The following ANXA2R variants were observed in gnomAD, a reference collection of about 807,000 sequenced individuals.
ANXA2R encodes the protein annexin-2 receptor.
For missense variants in ANXA2R, 244 were observed against 241.5 expected (o/e 1.01, Z -0.07); for synonymous variants, 93 against 93.6 (o/e 0.99, Z 0.04).
chr5:43,039,662 G>A lies in ANXA2R; in HGVS notation c.385C>T (p.Pro129Ser), dbSNP rs1742151851. Residue 129 changes from proline (P) to serine (S), a missense_variant, in exon 1 of 1, where the codon CCC (proline) becomes TCC (serine). Pro to Ser is a moderately conservative substitution (Grantham distance 74). Coordinates refer to ENST00000616064, the MANE Select transcript of ANXA2R (RefSeq NM_001014279.3). ...QQLPWSSPLHPWDRQQDTEVC... is the reference protein window; with the variant it reads ...QQLPWSSPLHSWDRQQDTEVC... ...TCGGTGTCCTGCTGTCTGTCCCAGG[G>A]ATGGAGAGGACTGCTCCAGGGAAGC... 4 of 1,613,486 alleles carry A rather than the reference G, an allele frequency of 2.5e-6. No homozygotes were observed. Among genetic ancestry groups the A allele is most frequent in the Admixed American group, 1.7e-5 (1 of 59,960 alleles).
chr5:43,039,937 G>A lies in ANXA2R; in HGVS notation c.110C>T (p.Pro37Leu), dbSNP rs2111970626. Reference sequence around the variant, plus strand: ...TCCTAGTACTGGATACAAAGGAAGAGGCCACGGCCCACGATCTTCTGAACT... The same window carrying A: ...TCCTAGTACTGGATACAAAGGAAGAAGCCACGGCCCACGATCTTCTGAACT... ...IVSSEDRGPW[P>L]LPLYPVLGEY... The change falls in exon 1 of 1, where the codon CCT (proline) becomes CTT (leucine). Residue 37 changes from proline to leucine, a missense_variant. Coordinates refer to ENST00000616064, the MANE Select transcript of ANXA2R (RefSeq NM_001014279.3). 6 of 1,614,198 alleles carry A rather than the reference G, an allele frequency of 3.7e-6. No individual in the cohort carries two copies. In the East Asian group the frequency reaches 1.3e-4, roughly 36 times the overall value.
chr5:43,040,319 G>A lies in ANXA2R; in HGVS notation c.-273C>T, dbSNP rs1392793570. 3 of 379,044 alleles carry A rather than the reference G, an allele frequency of 7.9e-6. No homozygotes were observed. The highest frequency in any genetic ancestry group is 2.1e-5 in the African/African-American group (1 of 48,172). 23.5% of individuals were successfully genotyped at this position (379,044 alleles called of 1,614,324 possible). A position where few individuals can be genotyped will look rare whatever the true frequency, so the allele number is the denominator to read the frequency against. ...AATGACACTAAGCAAATCTTGAAGA[G>A]AACTAGCGCTACAGAACGCAGGTAT... On this transcript the variant is annotated 5_prime_UTR_variant, in exon 1 of 1. Coordinates refer to ENST00000616064, the MANE Select transcript of ANXA2R (RefSeq NM_001014279.3).
upstream of ANXA2R, chr5:43,041,304 T>C (rs1742189881): frequency 6.6e-6 from 1 of 152,108 alleles, no homozygotes; most frequent in African/African-American, 2.4e-5. Flanking sequence ...ACCATTAGAA[T>C]ATTTCTGTCA....
rs1306279695 is a variant in ANXA2R at position 43,040,307 on chromosome 5, A to T, written c.-261T>A. On this transcript the variant is annotated 5_prime_UTR_variant, in exon 1 of 1. Transcript: ENST00000616064. ...AAACCGAAATGAAATGACACTAAGC[A>T]AATCTTGAAGAGAACTAGCGCTACA... 16 of 426,432 alleles carry T rather than the reference A, an allele frequency of 3.8e-5. No homozygotes were observed. The East Asian group carries it at 6.5e-4, about 17-fold the overall frequency. 26.4% of individuals were successfully genotyped at this position (426,432 alleles called of 1,614,324 possible). A position where few individuals can be genotyped will look rare whatever the true frequency, so the allele number is the denominator to read the frequency against.
At chr5:43,042,099 G>A (rs1315462271), upstream of ANXA2R, 1 of 152,290 alleles carries the variant, frequency 6.6e-6, no homozygotes, top group Non-Finnish European at 1.5e-5. The surrounding 1 kb of genome is among the most constrained non-coding windows in gnomAD (Gnocchi z 5.6). Flanking sequence ...CCACAGGACT[G>A]CGTTCTGGAG....
chr5:43,040,267 A>T lies in ANXA2R; in HGVS notation c.-221T>A, dbSNP rs951102670. ...AACGAACCGTAATTCCGACAGAAAA[A>T]CATGGCGAGAAAAGAAACCGAAATG... is the stretch of plus-strand genomic sequence containing the variant. On this transcript the variant is annotated 5_prime_UTR_variant, in exon 1 of 1. Transcript: ENST00000616064. The T allele has an allele frequency of 4.2e-6, 2 of 471,810 alleles. No individual in the cohort carries two copies. The highest frequency in any genetic ancestry group is 4.0e-5 in the African/African-American group (2 of 50,600). 29.2% of individuals were successfully genotyped at this position (471,810 alleles called of 1,614,324 possible).
upstream of ANXA2R, chr5:43,042,019 C>T (rs1742203151): frequency 6.6e-6 from 1 of 152,332 alleles, no homozygotes; most frequent in African/African-American, 2.4e-5. The surrounding 1 kb of genome is among the most constrained non-coding windows in gnomAD (Gnocchi z 5.6). Flanking sequence ...GAAATCGAAA[C>T]TTGCTAGGAC....
In ANXA2R at chr5:43,040,249, C is replaced by T. The variant is rs567668724; in HGVS notation, c.-203G>A. 8.3e-5 allele frequency: 40 copies of T among 479,496 alleles called. No individual in the cohort carries two copies. In the South Asian group the frequency reaches 1.7e-3, roughly 21 times the overall value. The allele number at this position is 479,496 out of a possible 1,614,324, so 29.7% of individuals were successfully genotyped here. A position where few individuals can be genotyped will look rare whatever the true frequency, so the allele number is the denominator to read the frequency against. On this transcript the variant is annotated 5_prime_UTR_variant, in exon 1 of 1. Transcript: ENST00000616064. ...GAGAGTACATAGAACCAAAACGAAC[C>T]GTAATTCCGACAGAAAAACATGGCG...
chr5:43,040,906 A>T (rs1338862580), upstream of ANXA2R: 1 of 152,134 alleles, frequency 6.6e-6, no homozygotes, highest in Admixed American at 6.5e-5. Context: ...CGAACGGGAA[A>T]TGTCACGTTG....
Position 43,039,775 on chromosome 5 carries a change from A to T in ANXA2R, c.272T>A (p.Phe91Tyr), listed in dbSNP as rs1742155100. 6.2e-7 allele frequency: 1 copy of T among 1,614,112 alleles called. No individual in the cohort carries two copies. The highest frequency in any genetic ancestry group is 1.3e-5 in the African/African-American group (1 of 74,998). ...LEPSTAKPTE[F>Y]SWPGTQKQQE... ...CTGCTTCTGTGTCCCCGGCCAACTG[A>T]ACTCAGTGGGCTTCGCTGTACTTGG... Residue 91 changes from phenylalanine to tyrosine, a missense_variant, in exon 1 of 1, where the codon TTC becomes TAC. Transcript: ENST00000616064.
Position 43,040,084 on chromosome 5 carries a change from A to G in ANXA2R, c.-38T>C. ...AGACCAACGTTTGCGCTGATCAAGG[A>G]GGGAGAGTCTCTGCACTACCATCAG... is the stretch of plus-strand genomic sequence containing the variant. On this transcript the variant is annotated 5_prime_UTR_variant, in exon 1 of 1. Transcript: ENST00000616064. 1.3e-6 allele frequency: 2 copies of G among 1,551,844 alleles called. No homozygotes were observed. Among genetic ancestry groups the G allele is most frequent in the Non-Finnish European group, 1.7e-6 (2 of 1,148,408 alleles).
chr5:43,040,360 G>A, upstream of ANXA2R: 1 of 254,436 alleles, frequency 3.9e-6, no homozygotes, highest in Non-Finnish European at 8.1e-6. Flanking sequence ...AGCGCGCAAG[G>A]GCCAAGAACC....
Position 43,039,560 on chromosome 5 carries a change from A to AGTG in ANXA2R, c.486_487insCAC (p.Phe162_Ser163insHis), listed in dbSNP as rs768464532. On this transcript the variant is annotated inframe_insertion, in exon 1 of 1. Transcript: ENST00000616064. The stretch of plus-strand genomic sequence containing the variant: ...CGAAGAATCCACTCCAGGCAGTCTG[A>AGTG]GAAACCCGGGAGGTGGCGCCACGGC... 1.9e-5 allele frequency: 31 copies of AGTG among 1,613,774 alleles called. No individual in the cohort carries two copies. In the Admixed American group the frequency reaches 5.0e-4, roughly 26 times the overall value.
chr5:43,042,951 G>A (rs959944337), upstream of ANXA2R: 1 of 152,274 alleles, frequency 6.6e-6, no homozygotes, highest in African/African-American at 2.4e-5. The surrounding 1 kb of genome is among the most constrained non-coding windows in gnomAD (Gnocchi z 5.6). Context: ...AACCACGACA[G>A]ACAGTCGCCT....
Position 43,040,159 on chromosome 5 carries a change from T to G in ANXA2R, c.-113A>C. On this transcript the variant is annotated 5_prime_UTR_variant, in exon 1 of 1. Coordinates refer to ENST00000616064, the MANE Select transcript of ANXA2R (RefSeq NM_001014279.3). The stretch of plus-strand genomic sequence containing the variant: ...CCCGTGGGCGGAGGCCAGTCAGATA[T>G]TAAGAAACTCAGTAGTAACAAATGC... 1.1e-6 allele frequency: 1 copy of G among 943,822 alleles called. No individual in the cohort carries two copies. Among genetic ancestry groups the G allele is most frequent in the East Asian group, 2.6e-5 (1 of 39,132 alleles). The allele number at this position is 943,822 out of a possible 1,614,324, so 58.5% of individuals were successfully genotyped here. A position where few individuals can be genotyped will look rare whatever the true frequency, so the allele number is the denominator to read the frequency against.
upstream of ANXA2R, chr5:43,042,315 C>A (rs988589670): frequency 2.0e-5 from 3 of 152,814 alleles, no homozygotes; most frequent in African/African-American, 7.2e-5. The surrounding 1 kb of genome is among the most constrained non-coding windows in gnomAD (Gnocchi z 5.6). Flanking sequence ...GAAATGGAGG[C>A]ACAGAGCTGT....
rs1561349219 is a variant in ANXA2R at position 43,039,518 on chromosome 5, A to G, written c.529T>C (p.Phe177Leu). Residue 177 changes from phenylalanine to leucine, a missense_variant, in exon 1 of 1, where the codon TTC becomes CTC. Physicochemically the swap from Phe to Leu is conservative, Grantham distance 22. Coordinates refer to ENST00000616064, the MANE Select transcript of ANXA2R (RefSeq NM_001014279.3). ...GAACAGCACGCCCAGAGTACAGAGA[A>G]CGCGGCAAAACCAACGCGAAGAATC... ...EWILRVGFAAFSVLWACCSRI... is the reference protein window; with the variant it reads ...EWILRVGFAALSVLWACCSRI... 6.2e-7 allele frequency: 1 copy of G among 1,608,306 alleles called. No homozygotes were observed. Among genetic ancestry groups the G allele is most frequent in the Admixed American group, 1.7e-5 (1 of 59,568 alleles).
chr5:43,043,007 G>A (rs1742229628), upstream of ANXA2R: 1 of 152,324 alleles, frequency 6.6e-6, no homozygotes, highest in African/African-American at 2.4e-5. Context: ...GCCAGCAAAA[G>A]CGCAGAGCGG....
upstream of ANXA2R, chr5:43,042,417 G>C (rs1742214178): frequency 6.5e-6 from 1 of 152,846 alleles, no homozygotes; most frequent in South Asian, 2.1e-4. The surrounding 1 kb of genome is among the most constrained non-coding windows in gnomAD (Gnocchi z 5.6). Flanking sequence ...ATTTGTTTTG[G>C]CGCAACCAGC....
Sources: allele counts gnomAD v4.1 joint callset, GRCh38; gene constraint gnomAD v4.1.1; non-coding constraint Gnocchi (gnomAD v3.1); transcripts MANE v1.5; gene names NCBI Gene and HGNC (gene_info 2026-07-23, HGNC 2026-07-21).